Variants in MSI2 observed in about 807,000 individuals in gnomAD.
The protein encoded by MSI2 is RNA-binding protein Musashi homolog 2.
MSI2 carries 17 observed loss-of-function variants against 45.6 expected under a neutral mutation model. The ratio of observed to expected loss-of-function variants is 0.37; its 90% CI spans 0.26 to 0.56. The LOEUF (loss-of-function observed/expected upper bound fraction) is 0.56, where lower values mean the gene tolerates loss of function less well. Ranked by LOEUF, MSI2 falls within the 20% of genes least tolerant of loss-of-function variation. The pLI, the probability that MSI2 is intolerant of heterozygous loss-of-function variation, is 0.77. For missense variants in MSI2, 293 were observed against 444.2 expected, an observed-to-expected ratio of 0.66 and a Z score of 3.06; for synonymous variants, 156 against 158.2, an observed-to-expected ratio of 0.99 and a Z score of 0.11.
At chr17:57,595,710 C>T (rs1905194551) in intron 7 of MSI2, among the ~76,000 whole-genome samples, 1 of 144,500 alleles carries the variant, frequency 6.9e-6, no homozygotes, top group African/African-American at 2.6e-5. Flanking sequence ...GTTTGGATTT[C>T]AACATGAATC....
At chr17:57,539,200 T>TTTA (rs2086987861) in intron 7 of MSI2, among the ~76,000 whole-genome samples, 1 of 148,404 alleles carries the variant, frequency 6.7e-6, no homozygotes. Flanking sequence ...TTTTTTTTTT[T>TTTA]GAGACGGAGT....
At chr17:57,494,156 C>T (rs537176917) in intron 6 of MSI2, among the ~76,000 whole-genome samples, 9 of 152,270 alleles carry the variant, frequency 5.9e-5, no homozygotes, top group African/African-American at 2.2e-4. Flanking sequence ...CAGAGAGGTT[C>T]AACAACAGAG....
chr17:57,447,441 C>T (rs1252766953), intron 6 of MSI2, among the ~76,000 whole-genome samples: 5 of 152,142 alleles, frequency 3.3e-5, no homozygotes, highest in African/African-American at 2.4e-5. Context: ...TCTGGAAGGG[C>T]GGCCCCTGGA....
chr17:57,619,581 C>T (rs1037024289), intron 9 of MSI2, among the ~76,000 whole-genome samples: 8 of 152,174 alleles, frequency 5.3e-5, no homozygotes, highest in Non-Finnish European at 1.2e-4. Context: ...CCTTGAGAGC[C>T]AACGAGCCTG....
At position 57,562,921 on chromosome 17, in the gene MSI2, A is replaced by C. The variant is rs564692073; in HGVS notation, c.454+33197A>C. Reference sequence around the variant, plus strand: ...GAGACCAGCCTGACCAACATGACGAAACCCTGTCTCTACTAAAAATACAAA... The same window carrying C: ...GAGACCAGCCTGACCAACATGACGACACCCTGTCTCTACTAAAAATACAAA... On this transcript the variant is annotated intron_variant, in intron 7 of 13. Coordinates refer to ENST00000284073, the MANE Select transcript of MSI2 (RefSeq NM_138962.4). Among the ~76,000 whole-genome samples the C allele has an allele frequency of 1.1e-4, 17 of 152,144 alleles. No homozygotes were observed. In the East Asian group the frequency reaches 3.1e-3, roughly 28 times the overall value.
chr17:57,317,218 T>C (rs1912920616), intron 5 of MSI2, among the ~76,000 whole-genome samples: 1 of 152,152 alleles, frequency 6.6e-6, no homozygotes, highest in African/African-American at 2.4e-5. Context: ...ACGCCTGCCA[T>C]GGCCAGGGCA....
At chr17:57,457,555 T>C (rs2085139558) in intron 6 of MSI2, among the ~76,000 whole-genome samples, 1 of 152,156 alleles carries the variant, frequency 6.6e-6, no homozygotes. Flanking sequence ...TAGAAGACCC[T>C]ATGTCTTGAA....
At chr17:57,395,702 C>T (rs1442652923) in intron 5 of MSI2, among the ~76,000 whole-genome samples, 1 of 152,200 alleles carries the variant, frequency 6.6e-6, no homozygotes, top group Non-Finnish European at 1.5e-5. Flanking sequence ...AAAGATTGGA[C>T]TTAATTCTCA....
intron 8 of MSI2, among the ~76,000 whole-genome samples, chr17:57,602,450 C>T (rs1482118162): frequency 2.0e-5 from 3 of 152,108 alleles, no homozygotes; most frequent in Non-Finnish European, 4.4e-5. Context: ...CCTCCCAGGT[C>T]TGAGTGATTC....
intron 5 of MSI2, among the ~76,000 whole-genome samples, chr17:57,375,767 T>C (rs1272009140): frequency 1.3e-5 from 2 of 152,030 alleles, no homozygotes; most frequent in African/African-American, 2.4e-5. Context: ...GGGAGTGGTG[T>C]TGAGTGCAAA....
In MSI2 at chr17:57,256,527, G is replaced by A; in HGVS notation, c.-216G>A. The A allele has an allele frequency of 3.2e-6, 1 of 317,408 alleles. No homozygotes were observed. Among genetic ancestry groups the A allele is most frequent in the East Asian group, 4.6e-5 (1 of 21,918 alleles). The allele number at this position is 317,408 out of a possible 1,614,324, so 19.7% of individuals were successfully genotyped here. On this transcript the variant is annotated 5_prime_UTR_variant, in exon 1 of 14. Transcript: ENST00000284073. ...GGGGGGCGGGGACGGGGGGGTGTGCGAGGCAGCGGGGCTGAGCTAAGCCGA... is the reference window on the plus strand; with the variant it reads ...GGGGGGCGGGGACGGGGGGGTGTGCAAGGCAGCGGGGCTGAGCTAAGCCGA...
chr17:57,691,203 CTATCTATCTATCT>C, the MSI2 span, among the ~76,000 whole-genome samples: 3 of 72,368 alleles, frequency 4.1e-5, no homozygotes, highest in African/African-American at 2.5e-4. Context: ...TCTCTCTCAT[CTATCTATCTATCT>C]ATCTATCTAT....
In MSI2 at chr17:57,401,251, A is replaced by G. The variant is rs183669650; in HGVS notation, c.313-128A>G. On this transcript the variant is annotated intron_variant, in intron 5 of 13. Transcript: ENST00000284073. ...CCTTAGACATCTAAACGCCCGCGCC[A>G]TGCAGCTTGAATATATCTAAAATTG... 123 of 738,158 alleles carry G rather than the reference A, an allele frequency of 1.7e-4. No homozygotes were observed. The East Asian group carries it at 3.1e-3, about 18-fold the overall frequency. 45.7% of individuals were successfully genotyped at this position (738,158 alleles called of 1,614,324 possible). A position where few individuals can be genotyped will look rare whatever the true frequency, so the allele number is the denominator to read the frequency against.
chr17:57,525,615 A>G (rs181259011), intron 6 of MSI2, among the ~76,000 whole-genome samples: 9 of 152,270 alleles, frequency 5.9e-5, no homozygotes, highest in Non-Finnish European at 1.3e-4. Flanking sequence ...TCACAAAGAT[A>G]CACCACTAAA....
At chr17:57,423,308 G>A (rs2084430907) in intron 6 of MSI2, among the ~76,000 whole-genome samples, 1 of 152,196 alleles carries the variant, frequency 6.6e-6, no homozygotes, top group African/African-American at 2.4e-5. Context: ...TTAAGTATAT[G>A]CTTTTAACCT....
rs921944935 is a variant in MSI2, at chr17:57,631,615, A to G, written c.727+4312A>G. 4 of 611,930 alleles carry G rather than the reference A, an allele frequency of 6.5e-6. No homozygotes were observed. In the African/African-American group the frequency reaches 7.4e-5, roughly 11 times the overall value. 37.9% of individuals were successfully genotyped at this position (611,930 alleles called of 1,614,324 possible). A position where few individuals can be genotyped will look rare whatever the true frequency, so the allele number is the denominator to read the frequency against. Reference sequence around the variant, plus strand: ...TGGGTGGTGACCAACCACTCTGGGAACAGCTCCTTCTTCCCACATCCAGGT... The same window carrying G: ...TGGGTGGTGACCAACCACTCTGGGAGCAGCTCCTTCTTCCCACATCCAGGT... On this transcript the variant is annotated intron_variant, in intron 10 of 13. Coordinates refer to ENST00000284073, the MANE Select transcript of MSI2 (RefSeq NM_138962.4).
At chr17:57,481,386 A>G (rs543788437) in intron 6 of MSI2, among the ~76,000 whole-genome samples, 1 of 152,236 alleles carries the variant, frequency 6.6e-6, no homozygotes, top group Non-Finnish European at 1.5e-5. Flanking sequence ...ATATCCTTTA[A>G]ATTGAGGCTG....
At chr17:57,274,717 TGCA>T (rs1176457601) in intron 5 of MSI2, among the ~76,000 whole-genome samples, 13 of 152,358 alleles carry the variant, frequency 8.5e-5, no homozygotes, top group Non-Finnish European at 1.6e-4. Context: ...CGGGTAGAAT[TGCA>T]GTGTAATTTG....
chr17:57,256,636 A>C lies in MSI2; in HGVS notation c.-107A>C, dbSNP rs1052762839. On this transcript the variant is annotated 5_prime_UTR_variant, in exon 1 of 14. Transcript: ENST00000284073. The stretch of plus-strand genomic sequence containing the variant: ...AGGAGCCCGGGCGGGGGGGAGGAGG[A>C]GGGGGAGGAGGGAGCGGAGATCTCG... 2 of 336,668 alleles carry C rather than the reference A, an allele frequency of 5.9e-6. No individual in the cohort carries two copies. The allele number at this position is 336,668 out of a possible 1,614,324, so 20.9% of individuals were successfully genotyped here.
Sources: gnomAD v4.1 joint callset for allele counts (sites outside exome capture counted in the v4.1 genomes callset) on GRCh38, gnomAD v4.1.1 for gene constraint, MANE v1.5 for transcripts, NCBI Gene and HGNC (gene_info 2026-07-23, HGNC 2026-07-21) for gene names.